The following PCDH17 variants were observed in gnomAD, a reference collection of about 807,000 sequenced individuals.
The protein encoded by PCDH17 is protocadherin 17.
A neutral mutation model predicts 67.7 loss-of-function variants in PCDH17; 21 were observed. The observed-to-expected ratio is 0.31, with a 90% CI of 0.22 to 0.45. The LOEUF (loss-of-function observed/expected upper bound fraction) is 0.45. PCDH17 is among the 20% of genes least tolerant of loss of function. The pLI is 1.00. For synonymous variants in PCDH17, 701 were observed against 656.7 expected (o/e 1.07, Z -1.03); for missense variants, 1,471 against 1,564.8 (o/e 0.94, Z 1.01).
chr13:57,715,980 A>G (rs1342213734), intron 3 of PCDH17, among the ~76,000 whole-genome samples: 2 of 152,020 alleles, frequency 1.3e-5, no homozygotes, highest in Non-Finnish European at 2.9e-5. Context: ...TTAAATGCAC[A>G]TTAAGACTTT....
intron 3 of PCDH17, among the ~76,000 whole-genome samples, chr13:57,697,423 C>A (rs2138070288): frequency 6.6e-6 from 1 of 151,594 alleles, no homozygotes; most frequent in East Asian, 1.9e-4. Flanking sequence ...CTAATGTATA[C>A]AACTCACATA....
chr13:57,697,356 C>T (rs1359489722), intron 3 of PCDH17, among the ~76,000 whole-genome samples: 1 of 151,554 alleles, frequency 6.6e-6, no homozygotes, highest in Non-Finnish European at 1.5e-5. Flanking sequence ...CTTTTTTCCT[C>T]AAGAGATACT....
chr13:57,674,226 A>C (rs2138035988), intron 3 of PCDH17, among the ~76,000 whole-genome samples: 1 of 152,144 alleles, frequency 6.6e-6, no homozygotes, highest in East Asian at 1.9e-4. Context: ...CTCCTGCCTT[A>C]TAATTATTGT....
intron 3 of PCDH17, among the ~76,000 whole-genome samples, chr13:57,687,109 C>G (rs78929150): frequency 5.9e-5 from 9 of 152,030 alleles, no homozygotes; most frequent in Admixed American, 5.9e-4. Flanking sequence ...AATGGCACAT[C>G]GTGCAATTCT....
At chr13:57,635,817 T>C (rs1954816113) in intron 1 of PCDH17, among the ~76,000 whole-genome samples, 1 of 152,216 alleles carries the variant, frequency 6.6e-6, no homozygotes, top group South Asian at 2.1e-4. Context: ...GACTAGTAAC[T>C]ATCTATGAAA....
At chr13:57,649,722 G>A (rs1294352344) in intron 1 of PCDH17, among the ~76,000 whole-genome samples, 1 of 152,116 alleles carries the variant, frequency 6.6e-6, no homozygotes, top group Non-Finnish European at 1.5e-5. Context: ...TATGCTTTCA[G>A]CTTGAGCTAT....
At chr13:57,718,293 A>G (rs1955840722) in intron 3 of PCDH17, among the ~76,000 whole-genome samples, 1 of 152,050 alleles carries the variant, frequency 6.6e-6, no homozygotes, top group Admixed American at 6.6e-5. Flanking sequence ...AATTCCAGGA[A>G]ATTTGTAATA....
chr13:57,632,506 C>A lies in PCDH17; in HGVS notation c.-41C>A. On this transcript the variant is annotated 5_prime_UTR_variant, in exon 1 of 4. Coordinates refer to ENST00000377918, the MANE Select transcript of PCDH17 (RefSeq NM_001040429.3). ...CTGGCGCGCACTCCCTCTCTGGCTC[C>A]TCCAGTCCGATTGCTCCTGCCCCCA... is the stretch of plus-strand genomic sequence containing the variant. 1.9e-6 allele frequency: 3 copies of A among 1,584,180 alleles called. No individual in the cohort carries two copies. The highest frequency in any genetic ancestry group is 1.1e-5 in the South Asian group (1 of 88,034).
chr13:57,701,530 A>C (rs1955662692), intron 3 of PCDH17, among the ~76,000 whole-genome samples: 2 of 19,550 alleles, frequency 1.0e-4, no homozygotes, highest in Admixed American at 1.5e-3. Flanking sequence ...TTTAAATTTA[A>C]GACACCCATA....
intron 1 of PCDH17, among the ~76,000 whole-genome samples, chr13:57,666,170 C>G (rs1955251093): frequency 1.3e-5 from 2 of 152,138 alleles, no homozygotes; most frequent in South Asian, 4.1e-4. Context: ...AATATTCAAT[C>G]TTAATATCTA....
chr13:57,696,521 G>A (rs1955609983), intron 3 of PCDH17, among the ~76,000 whole-genome samples: 1 of 149,604 alleles, frequency 6.7e-6, no homozygotes, highest in Non-Finnish European at 1.5e-5. Flanking sequence ...GATATATACT[G>A]TTCGCAAAAA....
chr13:57,662,045 A>T (rs1451728921), intron 1 of PCDH17, among the ~76,000 whole-genome samples: 1 of 151,928 alleles, frequency 6.6e-6, no homozygotes, highest in African/African-American at 2.4e-5. Context: ...TTTTTCTTTT[A>T]GTAGACAAGG....
intron 1 of PCDH17, among the ~76,000 whole-genome samples, chr13:57,642,223 A>C (rs1264457725): frequency 6.6e-6 from 1 of 151,680 alleles, no homozygotes; most frequent in Non-Finnish European, 1.5e-5. Context: ...TTGATTTTTA[A>C]TTAGTGGAAC....
At chr13:57,659,997 C>T (rs763985641) in intron 1 of PCDH17, among the ~76,000 whole-genome samples, 1 of 152,008 alleles carries the variant, frequency 6.6e-6, no homozygotes, top group Non-Finnish European at 1.5e-5. Context: ...CTTTGGGAGG[C>T]CGAGTCGGGT....
chr13:57,714,891 G>C (rs1244641530), intron 3 of PCDH17, among the ~76,000 whole-genome samples: 3 of 151,722 alleles, frequency 2.0e-5, no homozygotes, highest in Non-Finnish European at 4.4e-5. Context: ...AGAGAAGAAA[G>C]AAACCTATAG....
At chr13:57,694,484 T>G (rs533232815) in intron 3 of PCDH17, among the ~76,000 whole-genome samples, 1 of 151,234 alleles carries the variant, frequency 6.6e-6, no homozygotes, top group Admixed American at 6.6e-5. Context: ...ATTAAAAAAA[T>G]GCATGTCCAG....
intron 3 of PCDH17, among the ~76,000 whole-genome samples, chr13:57,681,440 C>T (rs1243080633): frequency 2.0e-5 from 3 of 151,674 alleles, no homozygotes; most frequent in Non-Finnish European, 4.4e-5. Flanking sequence ...ATTTACCTTG[C>T]TTAGCATTTA....
At position 57,724,834 on chromosome 13, in the gene PCDH17, A is replaced by T. The variant is rs1178221174; in HGVS notation, c.3020A>T (p.Glu1007Val). ...TGTACATTTGGAAAAGACAAGCGAG[A>T]GCACACTATTCTCATTGCCAACGTT... ...TFCTFGKDKREHTILIANVKP... is the reference protein window; with the variant it reads ...TFCTFGKDKRVHTILIANVKP... The change falls in exon 4 of 4, where the codon GAG becomes GTG. Residue 1007 changes from glutamate (E) to valine (V), a missense_variant. Glu to Val is a moderately radical substitution (Grantham distance 121). This residue lies in a region of PCDH17 where 297 missense variants were observed against 298.6 expected (regional missense o/e 0.99). Coordinates refer to ENST00000377918, the MANE Select transcript of PCDH17 (RefSeq NM_001040429.3). 2 of 1,614,064 alleles carry T rather than the reference A, an allele frequency of 1.2e-6. No homozygotes were observed. Among genetic ancestry groups the T allele is most frequent in the Non-Finnish European group, 8.5e-7 (1 of 1,180,020 alleles).
At chr13:57,650,638 A>G (rs900774833) in intron 1 of PCDH17, among the ~76,000 whole-genome samples, 2 of 152,172 alleles carry the variant, frequency 1.3e-5, no homozygotes, top group Non-Finnish European at 2.9e-5. Flanking sequence ...AATTATGACT[A>G]TATTTTTCCC....
Sources: allele counts gnomAD v4.1 joint callset (sites outside exome capture counted in the v4.1 genomes callset), GRCh38; gene constraint gnomAD v4.1.1; regional missense constraint gnomAD v4.1.1; transcripts MANE v1.5; gene names NCBI Gene and HGNC (gene_info 2026-07-23, HGNC 2026-07-21).